Variants in ZSCAN2 observed in about 807,000 individuals in gnomAD.
ZSCAN2 encodes the protein zinc finger and SCAN domain-containing protein 2.
ZSCAN2 carries 26 observed loss-of-function variants against 47.8 expected under a neutral mutation model. The ratio of observed to expected loss-of-function variants is 0.54; its 90% CI spans 0.40 to 0.75. The LOEUF (loss-of-function observed/expected upper bound fraction) is 0.75, where lower values mean the gene tolerates loss of function less well. Among genes scored for constraint, ZSCAN2 ranks in the 30% least tolerant of loss-of-function variants. The pLI, the probability that ZSCAN2 is intolerant of heterozygous loss-of-function variation, is 0.00. For synonymous variants in ZSCAN2, 305 were observed against 288.7 expected (o/e 1.06, Z -0.57); for missense variants, 732 against 785.4 (o/e 0.93, Z 0.81).
chr15:84,606,488 C>T, intron 2 of ZSCAN2: 3 of 1,498,282 alleles, frequency 2.0e-6, no homozygotes, highest in African/African-American at 1.4e-5. Flanking sequence ...GCATTTTATT[C>T]CTTCTATTAA....
rs1567013381 is a variant in ZSCAN2, at chr15:84,621,419, C to G, written c.1224C>G (p.His408Gln). The G allele has an allele frequency of 6.2e-7, 1 of 1,613,690 alleles. No individual in the cohort carries two copies. Among genetic ancestry groups the G allele is most frequent in the East Asian group, 2.2e-5 (1 of 44,870 alleles). Residue 408 changes from histidine to glutamine, a missense_variant, in exon 3 of 3, where the codon CAC becomes CAG. Physicochemically the swap from His to Gln is conservative, Grantham distance 24. Coordinates refer to ENST00000546148, the MANE Select transcript of ZSCAN2 (RefSeq NM_181877.4). The surrounding 1 kb of genome is among the most constrained non-coding windows in gnomAD (Gnocchi z 5.7). Reference protein sequence around the residue: ...RFSQSSALITHRRTHTGEKPY... With the variant: ...RFSQSSALITQRRTHTGEKPY... Reference sequence around the variant, plus strand: ...GCCAGAGTTCAGCCCTCATCACCCACCGGAGAACCCACACAGGAGAGAAAC... The same window carrying G: ...GCCAGAGTTCAGCCCTCATCACCCAGCGGAGAACCCACACAGGAGAGAAAC...
chr15:84,616,044 G>A (rs563962679), intron 2 of ZSCAN2, among the ~76,000 whole-genome samples: 1 of 152,138 alleles, frequency 6.6e-6, no homozygotes, highest in African/African-American at 2.4e-5. Flanking sequence ...GACCAGCCTG[G>A]CCAACATGGC....
At chr15:84,617,602 G>A (rs1206634249) in intron 2 of ZSCAN2, among the ~76,000 whole-genome samples, 1 of 152,114 alleles carries the variant, frequency 6.6e-6, no homozygotes, top group Non-Finnish European at 1.5e-5. Flanking sequence ...ATGTGTCAGT[G>A]TAAGCATGGA....
chr15:84,609,737 T>C (rs1383697713), intron 2 of ZSCAN2, among the ~76,000 whole-genome samples: 8 of 152,204 alleles, frequency 5.3e-5, no homozygotes, highest in Non-Finnish European at 1.0e-4. Flanking sequence ...GAGCTGGGCA[T>C]ACCCTATATC....
Position 84,620,800 on chromosome 15 carries a change from A to C in ZSCAN2, c.605A>C (p.Gln202Pro), listed in dbSNP as rs943512585. The C allele has an allele frequency of 1.9e-6, 3 of 1,614,114 alleles. No individual in the cohort carries two copies. The highest frequency in any genetic ancestry group is 2.5e-6 in the Non-Finnish European group (3 of 1,180,050). Residue 202 changes from glutamine to proline, a missense_variant, in exon 3 of 3, where the codon CAG (glutamine) becomes CCG (proline). By Grantham distance (76) the Gln-to-Pro change is moderately conservative. Around this residue, in one of 2 missense-constraint regions of ZSCAN2, gnomAD observed 320 missense variants for 287.4 expected, o/e 1.11. Coordinates refer to ENST00000546148, the MANE Select transcript of ZSCAN2 (RefSeq NM_181877.4). ...PGEDHGEVVSQDREVGQLIGL... is the reference protein window; with the variant it reads ...PGEDHGEVVSPDREVGQLIGL... Reference sequence around the variant, plus strand: ...GAGGACCACGGGGAGGTGGTTTCTCAGGACAGGGAAGTTGGCCAGCTCATA... The same window carrying C: ...GAGGACCACGGGGAGGTGGTTTCTCCGGACAGGGAAGTTGGCCAGCTCATA...
chr15:84,602,558 G>GTTTCTTTTCTTTTTTTTCCT (rs1307774361), intron 1 of ZSCAN2, among the ~76,000 whole-genome samples: 4 of 144,374 alleles, frequency 2.8e-5, no homozygotes, highest in Non-Finnish European at 4.6e-5. Context: ...TTATAGCACA[G>GTTTCTTTTCTTTTTTTTCCT]TTTCTTTTCT....
intron 2 of ZSCAN2, among the ~76,000 whole-genome samples, chr15:84,612,402 T>C (rs1363424917): frequency 1.3e-5 from 2 of 152,082 alleles, no homozygotes; most frequent in African/African-American, 2.4e-5. Flanking sequence ...ACCTCCTTAG[T>C]GAGGTTTATG....
chr15:84,622,501 G>C lies in ZSCAN2; in HGVS notation c.*461G>C, dbSNP rs1895838343. The C allele has an allele frequency of 1.5e-6, 1 of 656,756 alleles. No homozygotes were observed. Among genetic ancestry groups the C allele is most frequent in the African/African-American group, 1.8e-5 (1 of 55,194 alleles). The allele number at this position is 656,756 out of a possible 1,614,324, so 40.7% of individuals were successfully genotyped here. ...GGCTAAGGTGCCTTCACCCCAAGCT[G>C]TTAGTGTTCCAGGGCACCCCAAGCT... On this transcript the variant is annotated 3_prime_UTR_variant, in exon 3 of 3. Coordinates refer to ENST00000546148, the MANE Select transcript of ZSCAN2 (RefSeq NM_181877.4).
rs1567012471 is a variant in ZSCAN2 at position 84,619,926 on chromosome 15, G to GTTTTTTTTTTTTTTTTTT, written c.407-676_407-675insTTTTTTTTTTTTTTTTTT. 1.7e-4 allele frequency among the ~76,000 whole-genome samples: 5 copies of GTTTTTTTTTTTTTTTTTT among 28,672 alleles called. 1 individual carries two copies. The highest frequency in any genetic ancestry group is 3.5e-4 in the Admixed American group (1 of 2,880). 18.8% of individuals were successfully genotyped at this position (28,672 alleles called of 152,430 possible). A position where few individuals can be genotyped will look rare whatever the true frequency, so the allele number is the denominator to read the frequency against. On this transcript the variant is annotated intron_variant, in intron 2 of 2. Coordinates refer to ENST00000546148, the MANE Select transcript of ZSCAN2 (RefSeq NM_181877.4). ...AGTCAGAATGAAATAAGCCTGGGTTGGTTTTTTTTTTTTTTTTTTTCCATC... is the reference window on the plus strand; with the variant it reads ...AGTCAGAATGAAATAAGCCTGGGTTGTTTTTTTTTTTTTTTTTTGTTTTTTTTTTTTTTTTTTTCCATC...
At position 84,618,589 on chromosome 15, in the gene ZSCAN2, C is replaced by T. The variant is rs540902181; in HGVS notation, c.407-2013C>T. 2.2e-4 allele frequency among the ~76,000 whole-genome samples: 33 copies of T among 148,696 alleles called. No homozygotes were observed. The South Asian group carries it at 4.9e-3, about 22-fold the overall frequency. ...TTTTTTTTTTTTTTCGAGACAGAGT[C>T]TTGGCTCTGTTGCCCAGGCCGGAGT... On this transcript the variant is annotated intron_variant, in intron 2 of 2. Coordinates refer to ENST00000546148, the MANE Select transcript of ZSCAN2 (RefSeq NM_181877.4).
chr15:84,613,067 G>A (rs543249359), intron 2 of ZSCAN2, among the ~76,000 whole-genome samples: 31 of 152,168 alleles, frequency 2.0e-4, no homozygotes, highest in East Asian at 1.9e-3. Flanking sequence ...CCAGTTTTCC[G>A]TAACTAGTTC....
intron 2 of ZSCAN2, chr15:84,616,323 G>A (rs745975368): frequency 9.9e-6 from 15 of 1,517,708 alleles, no homozygotes; most frequent in Admixed American, 1.7e-5. Flanking sequence ...AGCTTCCTGC[G>A]TACATGGCTG....
chr15:84,606,365 G>T (rs1596027529), intron 2 of ZSCAN2: 1 of 632,140 alleles, frequency 1.6e-6, no homozygotes, highest in East Asian at 2.9e-5. Flanking sequence ...AACTCACATG[G>T]CTGTTGAGTG....
intron 2 of ZSCAN2, 57 bp downstream of exon 2, chr15:84,604,390 T>C: frequency 6.5e-7 from 1 of 1,534,462 alleles, no homozygotes; most frequent in Non-Finnish European, 8.8e-7. Context: ...GGTAGAGGAG[T>C]GTGGTGTTTC....
At chr15:84,619,153 T>A (rs551803551) in intron 2 of ZSCAN2, among the ~76,000 whole-genome samples, 2 of 152,014 alleles carry the variant, frequency 1.3e-5, no homozygotes, top group Non-Finnish European at 2.9e-5. Flanking sequence ...TATTCATGGC[T>A]GGGCGCGGTG....
intron 2 of ZSCAN2, among the ~76,000 whole-genome samples, chr15:84,609,572 T>C (rs750527759): frequency 1.3e-5 from 2 of 152,182 alleles, no homozygotes; most frequent in Non-Finnish European, 2.9e-5. Context: ...ACCTATGAAA[T>C]GTTTAGCATT....
At chr15:84,606,022 G>A (rs956365563) in intron 2 of ZSCAN2, among the ~76,000 whole-genome samples, 12 of 152,212 alleles carry the variant, frequency 7.9e-5, no homozygotes, top group Middle Eastern at 3.4e-3. Flanking sequence ...GTTTTTAAGC[G>A]TTGTCATATG....
chr15:84,602,484 T>G (rs1895235777), intron 1 of ZSCAN2, among the ~76,000 whole-genome samples: 1 of 152,166 alleles, frequency 6.6e-6, no homozygotes, highest in Admixed American at 6.5e-5. Context: ...ATTGAAAATT[T>G]CCATCATCCC....
At position 84,621,220 on chromosome 15, in the gene ZSCAN2, G is replaced by A; in HGVS notation, c.1025G>A (p.Ser342Asn). 4 of 1,614,102 alleles carry A rather than the reference G, an allele frequency of 2.5e-6. No homozygotes were observed. The highest frequency in any genetic ancestry group is 3.4e-6 in the Non-Finnish European group (4 of 1,180,026). Residue 342 changes from serine to asparagine, a missense_variant, in exon 3 of 3, where the codon AGC (serine) becomes AAC (asparagine). Transcript: ENST00000546148. This position sits in a 1 kb window ranked among gnomAD's most constrained non-coding sequence, Gnocchi z 5.7. ...KPYSCPECGKSFGNRSSLNTH... is the reference protein window; with the variant it reads ...KPYSCPECGKNFGNRSSLNTH... ...TACTCGTGCCCCGAGTGTGGAAAGA[G>A]CTTTGGCAACCGATCCAGCCTTAAC... is the stretch of plus-strand genomic sequence containing the variant.
Sources: gnomAD v4.1 joint callset for allele counts (sites outside exome capture counted in the v4.1 genomes callset) on GRCh38, gnomAD v4.1.1 for gene constraint, gnomAD v4.1.1 regional missense constraint, Gnocchi (gnomAD v3.1) non-coding constraint, MANE v1.5 for transcripts, NCBI Gene and HGNC (gene_info 2026-07-23, HGNC 2026-07-21) for gene names.